The following ZC3H12C variants were observed in gnomAD, a reference collection of about 807,000 sequenced individuals.
The protein encoded by ZC3H12C is probable ribonuclease ZC3H12C.
Under a neutral mutation model 76.3 loss-of-function variants are expected in ZC3H12C, and 20 were observed. The observed-to-expected ratio is 0.26, with a 90% CI of 0.18 to 0.38. The LOEUF (loss-of-function observed/expected upper bound fraction) is 0.38. ZC3H12C is among the 10% of genes least tolerant of loss of function. ZC3H12C has a pLI of 1.00. For synonymous variants in ZC3H12C, 352 were observed against 399.6 expected (o/e 0.88, Z 1.42); for missense variants, 874 against 1,086.5 (o/e 0.80, Z 2.75).
At chr11:110,101,504 T>C (rs1861213399) in intron 1 of ZC3H12C, among the ~76,000 whole-genome samples, 1 of 151,684 alleles carries the variant, frequency 6.6e-6, no homozygotes, top group African/African-American at 2.4e-5. Flanking sequence ...TCAGTGTTCG[T>C]CTACCATTTC....
Position 110,136,812 on chromosome 11 carries a change from T to G in ZC3H12C, c.171T>G (p.Ala57=). The change falls in exon 2 of 6, where the codon GCT becomes GCG. Residue 57 remains alanine, a synonymous_variant. Transcript: ENST00000278590. Reference sequence around the variant, plus strand: ...GCACTGACCCACAGTTAAGTCCAGCTGTACCTTGGTCAACAGTAGAAAACC... The same window carrying G: ...GCACTGACCCACAGTTAAGTCCAGCGGTACCTTGGTCAACAGTAGAAAACC... ...VESTDPQLSP[A]VPWSTVENPS... The G allele has an allele frequency of 6.2e-7, 1 of 1,613,950 alleles. No individual in the cohort carries two copies. Among genetic ancestry groups the G allele is most frequent in the Non-Finnish European group, 8.5e-7 (1 of 1,179,878 alleles).
chr11:110,098,979 G>A (rs1861164237), intron 1 of ZC3H12C, among the ~76,000 whole-genome samples: 1 of 152,084 alleles, frequency 6.6e-6, no homozygotes, highest in Non-Finnish European at 1.5e-5. Context: ...TTAGGAGTTT[G>A]GTTCTAAAAG....
chr11:110,095,414 G>A (rs1193365900), intron 1 of ZC3H12C, among the ~76,000 whole-genome samples: 1 of 152,096 alleles, frequency 6.6e-6, no homozygotes, highest in South Asian at 2.1e-4. Flanking sequence ...CATTGTTTTT[G>A]TACATAAATT....
chr11:110,112,991 G>GCC (rs202160093), intron 1 of ZC3H12C, among the ~76,000 whole-genome samples: 4 of 73,682 alleles, frequency 5.4e-5, no homozygotes, highest in Admixed American at 1.5e-4. Context: ...AGTTCTTATC[G>GCC]CCCCCCCCTA....
At chr11:110,100,212 C>CTTT (rs10656341) in intron 1 of ZC3H12C, among the ~76,000 whole-genome samples, 43,671 of 134,008 alleles carry the variant, frequency 0.33, 8,198 homozygotes, top group African/African-American at 0.44. Flanking sequence ...CTATATGGTA[C>CTTT]TTTTTTTTTT....
In ZC3H12C at chr11:110,164,545, C is replaced by G. The variant is rs1471215035; in HGVS notation, c.1460C>G (p.Pro487Arg). 1 of 1,613,816 alleles carries G rather than the reference C, an allele frequency of 6.2e-7. No homozygotes were observed. The highest frequency in any genetic ancestry group is 8.5e-7 in the Non-Finnish European group (1 of 1,179,890). The change falls in exon 6 of 6, where the codon CCA becomes CGA. Residue 487 changes from proline to arginine, a missense_variant. Physicochemically the swap from Pro to Arg is moderately radical, Grantham distance 103 (BLOSUM62 -2). Coordinates refer to ENST00000278590, the MANE Select transcript of ZC3H12C (RefSeq NM_033390.2). The surrounding 1 kb of genome is among the most constrained non-coding windows in gnomAD (Gnocchi z 5.7). ...DSTSDVKRGAPKRQSDPSIRT... is the reference protein window; with the variant it reads ...DSTSDVKRGARKRQSDPSIRT... ...ACTTCTGATGTCAAACGAGGTGCTCCAAAGAGGCAATCAGATCCAAGCATA... is the reference window on the plus strand; with the variant it reads ...ACTTCTGATGTCAAACGAGGTGCTCGAAAGAGGCAATCAGATCCAAGCATA...
intron 1 of ZC3H12C, among the ~76,000 whole-genome samples, chr11:110,123,039 A>G (rs1861677940): frequency 6.6e-6 from 1 of 152,220 alleles, no homozygotes; most frequent in Non-Finnish European, 1.5e-5. Context: ...ACAATTAAAA[A>G]TGTATTAATT....
intron 2 of ZC3H12C, among the ~76,000 whole-genome samples, chr11:110,142,526 C>T (rs761090915): frequency 6.6e-6 from 1 of 152,134 alleles, no homozygotes; most frequent in Non-Finnish European, 1.5e-5. Flanking sequence ...CTAGATGTTG[C>T]CTCAAATTGT....
At chr11:110,127,621 G>C (rs1183664866) in intron 1 of ZC3H12C, among the ~76,000 whole-genome samples, 1 of 152,102 alleles carries the variant, frequency 6.6e-6, no homozygotes, top group South Asian at 2.1e-4. Flanking sequence ...TAGGCTGGGT[G>C]TGGTGGCTCA....
intron 1 of ZC3H12C, among the ~76,000 whole-genome samples, chr11:110,134,532 T>C (rs1350202579): frequency 6.6e-6 from 1 of 152,184 alleles, no homozygotes; most frequent in Non-Finnish European, 1.5e-5. Context: ...GGTGTTAGTA[T>C]ATTACAGTAG....
At position 110,165,675 on chromosome 11, in the gene ZC3H12C, A is replaced by C; in HGVS notation, c.2590A>C (p.Met864Leu). The C allele has an allele frequency of 6.3e-7, 1 of 1,597,952 alleles. No homozygotes were observed. The highest frequency in any genetic ancestry group is 8.5e-7 in the Non-Finnish European group (1 of 1,171,686). The change falls in exon 6 of 6, where the codon ATG (methionine) becomes CTG (leucine). Residue 864 changes from methionine to leucine, a missense_variant. By Grantham distance (15) the Met-to-Leu change is conservative (BLOSUM62 2). This residue lies in a region of ZC3H12C where 395 missense variants were observed against 434.4 expected (regional missense o/e 0.91). Coordinates refer to ENST00000278590, the MANE Select transcript of ZC3H12C (RefSeq NM_033390.2). ...VRIVMKRNPH[M>L]TDAQQLAAAI... is the part of the protein sequence containing the mutation. ...AATTGTCATGAAAAGGAATCCTCAC[A>C]TGACAGACGCCCAGCAGCTCGCCGC...
intron 1 of ZC3H12C, chr11:110,131,207 C>A: frequency 1.1e-6 from 1 of 929,680 alleles, no homozygotes; most frequent in South Asian, 1.4e-5. Flanking sequence ...CAATGAAAGT[C>A]TACAAATTAT....
chr11:110,164,465 C>G lies in ZC3H12C; in HGVS notation c.1380C>G (p.Asn460Lys). The G allele has an allele frequency of 6.2e-7, 1 of 1,613,950 alleles. No homozygotes were observed. The highest frequency in any genetic ancestry group is 8.5e-7 in the Non-Finnish European group (1 of 1,179,888). The change falls in exon 6 of 6, where the codon AAC (asparagine) becomes AAG (lysine). Residue 460 changes from asparagine (N) to lysine (K), a missense_variant. By Grantham distance (94) the Asn-to-Lys change is moderately conservative. Around this residue, in one of 3 missense-constraint regions of ZC3H12C, gnomAD observed 269 missense variants for 424.9 expected, o/e 0.63. Transcript: ENST00000278590. The surrounding 1 kb of genome is among the most constrained non-coding windows in gnomAD (Gnocchi z 5.7). ...GAAATACGGCAGCCAAAACTGCAAA[C>G]GAAGGAGGACTGGTGAAAAGCAACA... ...MSRNTAAKTA[N>K]EGGLVKSNSV...
chr11:110,129,843 G>C (rs1195395535), intron 1 of ZC3H12C, among the ~76,000 whole-genome samples: 5 of 151,744 alleles, frequency 3.3e-5, no homozygotes, highest in East Asian at 1.9e-4. Flanking sequence ...TTCATAATCA[G>C]AGGCCACTCC....
intron 1 of ZC3H12C, among the ~76,000 whole-genome samples, chr11:110,093,905 T>A (rs935638906): frequency 1.3e-5 from 2 of 151,896 alleles, no homozygotes; most frequent in Admixed American, 6.6e-5. Flanking sequence ...CGCTTAACTA[T>A]CCATCCCTCC....
chr11:110,154,852 A>AAAAAAAAAT (rs1565266548), intron 3 of ZC3H12C, among the ~76,000 whole-genome samples: 3 of 150,702 alleles, frequency 2.0e-5, no homozygotes, highest in Non-Finnish European at 3.0e-5. Context: ...AAAAAAAAAA[A>AAAAAAAAAT]CTTCTTTCCA....
chr11:110,101,932 A>G (rs1404565231), intron 1 of ZC3H12C, among the ~76,000 whole-genome samples: 1 of 152,128 alleles, frequency 6.6e-6, no homozygotes, highest in African/African-American at 2.4e-5. Flanking sequence ...AGTTTACAGC[A>G]TGCTTTACTG....
chr11:110,139,236 C>T (rs1862025540), intron 2 of ZC3H12C, among the ~76,000 whole-genome samples: 2 of 151,312 alleles, frequency 1.3e-5, no homozygotes, highest in African/African-American at 4.9e-5. Context: ...ATTTGAACTA[C>T]TTGCCAAGAC....
chr11:110,158,016 T>A (rs192178204), intron 3 of ZC3H12C, among the ~76,000 whole-genome samples: 2,894 of 152,072 alleles, frequency 0.019, 39 homozygotes, highest in Middle Eastern at 0.034. Context: ...AGCTTTTTTT[T>A]AAAAAAAATC....
Sources: gnomAD v4.1 joint callset for allele counts (sites outside exome capture counted in the v4.1 genomes callset) on GRCh38, gnomAD v4.1.1 for gene constraint, gnomAD v4.1.1 regional missense constraint, Gnocchi (gnomAD v3.1) non-coding constraint, MANE v1.5 for transcripts, NCBI Gene and HGNC (gene_info 2026-07-23, HGNC 2026-07-21) for gene names.